ITPKB: variants seen among roughly 807,000 people sequenced by gnomAD.
ITPKB encodes the protein IP3 3-kinase B.
ITPKB carries 13 observed loss-of-function variants against 69.4 expected under a neutral mutation model. The ratio of observed to expected loss-of-function variants is 0.19; its 90% CI spans 0.12 to 0.30. ITPKB has a LOEUF of 0.30. ITPKB is among the 10% of genes least tolerant of loss of function. ITPKB has a pLI of 1.00. For missense variants in ITPKB, 1,240 were observed against 1,250.5 expected (o/e 0.99, Z 0.13); for synonymous variants, 584 against 513.7 (o/e 1.14, Z -1.85).
At chr1:226,714,515 C>T (rs563814852) in intron 2 of ITPKB, among the ~76,000 whole-genome samples, 2 of 152,312 alleles carry the variant, frequency 1.3e-5, no homozygotes, top group East Asian at 3.9e-4. Flanking sequence ...AACAAGAGAA[C>T]AGCACTGAAG....
chr1:226,683,488 T>C (rs974997982), intron 2 of ITPKB, among the ~76,000 whole-genome samples: 2 of 152,148 alleles, frequency 1.3e-5, no homozygotes, highest in African/African-American at 2.4e-5. Context: ...GAAACAGGAT[T>C]TGAACCCATG....
chr1:226,685,701 G>T (rs1656191886), intron 2 of ITPKB, among the ~76,000 whole-genome samples: 1 of 152,236 alleles, frequency 6.6e-6, no homozygotes, highest in African/African-American at 2.4e-5. Flanking sequence ...GCAGGCACCA[G>T]GGCTTGCTGG....
intron 2 of ITPKB, among the ~76,000 whole-genome samples, chr1:226,659,012 T>C (rs76537824): frequency 0.038 from 5,757 of 152,274 alleles, 159 homozygotes; most frequent in Middle Eastern, 0.068. Context: ...TGCGTAGACC[T>C]GGTCGGGCTG....
intron 2 of ITPKB, among the ~76,000 whole-genome samples, chr1:226,724,046 C>CT (rs1056973540): frequency 7.2e-5 from 11 of 152,162 alleles, no homozygotes; most frequent in African/African-American, 2.7e-4. Context: ...GGGGTGTCCT[C>CT]TATTCCACCC....
intron 2 of ITPKB, among the ~76,000 whole-genome samples, chr1:226,649,561 A>C (rs1037633258): frequency 6.8e-6 from 1 of 147,918 alleles, no homozygotes; most frequent in Admixed American, 6.7e-5. Flanking sequence ...TGATATGCAC[A>C]TATGTGTGCA....
chr1:226,696,659 A>T (rs888728287), intron 2 of ITPKB, among the ~76,000 whole-genome samples: 3 of 152,192 alleles, frequency 2.0e-5, no homozygotes, highest in African/African-American at 7.2e-5. Flanking sequence ...TTCTCCATAG[A>T]ACTCACAGCT....
chr1:226,682,170 C>CA, intron 2 of ITPKB, among the ~76,000 whole-genome samples: 1 of 152,282 alleles, frequency 6.6e-6, no homozygotes, highest in East Asian at 1.9e-4. Context: ...TGGGTCCCCC[C>CA]CCGCCCCGAG....
At position 226,642,659 on chromosome 1, in the gene ITPKB, T is replaced by C. The variant is rs1158157563; in HGVS notation, c.2247-534A>G. Among the ~76,000 whole-genome samples, 2 of 151,828 alleles carry C rather than the reference T, an allele frequency of 1.3e-5. No homozygotes were observed. The highest frequency in any genetic ancestry group is 2.9e-5 in the Non-Finnish European group (2 of 67,950). On this transcript the variant is annotated intron_variant, in intron 4 of 7. Coordinates refer to ENST00000429204, the MANE Select transcript of ITPKB (RefSeq NM_002221.4). This position sits in a 1 kb window ranked among gnomAD's most constrained non-coding sequence, Gnocchi z 6.4. Reference sequence around the variant, plus strand: ...GGGTGTCGGGGGTGGCTGGTCCTGATCCTGCTGCTACGGTGGAGCTAAGAG... The same window carrying C: ...GGGTGTCGGGGGTGGCTGGTCCTGACCCTGCTGCTACGGTGGAGCTAAGAG...
At chr1:226,682,762 T>G (rs886539805) in intron 2 of ITPKB, among the ~76,000 whole-genome samples, 1 of 152,122 alleles carries the variant, frequency 6.6e-6, no homozygotes, top group Non-Finnish European at 1.5e-5. Flanking sequence ...CTGTGGAAGA[T>G]AAAAGAAGCT....
intron 2 of ITPKB, among the ~76,000 whole-genome samples, chr1:226,706,406 G>C (rs566121450): frequency 1.3e-5 from 2 of 152,310 alleles, no homozygotes; most frequent in Admixed American, 6.5e-5. Flanking sequence ...GGTTTTCTGA[G>C]CTGAGAGGGA....
At chr1:226,653,655 C>T (rs1175769382) in intron 2 of ITPKB, among the ~76,000 whole-genome samples, 2 of 152,188 alleles carry the variant, frequency 1.3e-5, no homozygotes, top group Non-Finnish European at 2.9e-5. Context: ...GAGGACACTT[C>T]GGTGGAAAGG....
chr1:226,738,587 G>A lies in ITPKB; in HGVS notation c.-206+454C>T, dbSNP rs767646330. Among the ~76,000 whole-genome samples, 1 of 152,202 alleles carries A rather than the reference G, an allele frequency of 6.6e-6. No individual in the cohort carries two copies. The highest frequency in any genetic ancestry group is 6.5e-5 in the Admixed American group (1 of 15,290). ...GGGCTCCCGGACCCGCGCCCACTCGGAGGAACTTAGGGGCGTGCATGGCTG... is the reference window on the plus strand; with the variant it reads ...GGGCTCCCGGACCCGCGCCCACTCGAAGGAACTTAGGGGCGTGCATGGCTG... On this transcript the variant is annotated intron_variant, in intron 1 of 7. Coordinates refer to ENST00000429204, the MANE Select transcript of ITPKB (RefSeq NM_002221.4). The surrounding 1 kb of genome is among the most constrained non-coding windows in gnomAD (Gnocchi z 4.2).
In ITPKB at chr1:226,648,712, G is replaced by A; in HGVS notation, c.1992C>T (p.Phe664=). ...GCTGGATCCAGGGGTACTTCTTCTT[G>A]AAGGACATGACGAAGGGAGACCAGT... The part of the protein sequence containing the change: ...MVHWSPFVMS[F]KKKYPWIQLA... Residue 664 remains phenylalanine, a synonymous_variant, in exon 3 of 8, where the codon TTC becomes TTT. Coordinates refer to ENST00000429204, the MANE Select transcript of ITPKB (RefSeq NM_002221.4). The A allele has an allele frequency of 6.2e-7, 1 of 1,613,218 alleles. No homozygotes were observed. The highest frequency in any genetic ancestry group is 8.5e-7 in the Non-Finnish European group (1 of 1,179,120).
In ITPKB at chr1:226,737,505, C is replaced by G. The variant is rs928007419; in HGVS notation, c.-47G>C. 1 of 1,463,734 alleles carries G rather than the reference C, an allele frequency of 6.8e-7. No homozygotes were observed. Among genetic ancestry groups the G allele is most frequent in the East Asian group, 2.7e-5 (1 of 36,698 alleles). The allele number at this position is 1,463,734 out of a possible 1,614,324, so 90.7% of individuals were successfully genotyped here. Reference sequence around the variant, plus strand: ...CGCCGCCGCGGCTCCCGCTCCTGCTCCGCCGCCGGCGCCTCCTCCTCCCGG... The same window carrying G: ...CGCCGCCGCGGCTCCCGCTCCTGCTGCGCCGCCGGCGCCTCCTCCTCCCGG... On this transcript the variant is annotated 5_prime_UTR_variant, in exon 2 of 8. Coordinates refer to ENST00000429204, the MANE Select transcript of ITPKB (RefSeq NM_002221.4).
chr1:226,663,428 C>T (rs903362119), intron 2 of ITPKB, among the ~76,000 whole-genome samples: 1 of 152,134 alleles, frequency 6.6e-6, no homozygotes, highest in Non-Finnish European at 1.5e-5. Context: ...CCAGGTTCTC[C>T]CGCCCACCGG....
At chr1:226,680,704 A>G (rs1019966971) in intron 2 of ITPKB, among the ~76,000 whole-genome samples, 1 of 152,240 alleles carries the variant, frequency 6.6e-6, no homozygotes, top group African/African-American at 2.4e-5. Context: ...GATGCAACTC[A>G]GGAAAGTCAG....
chr1:226,639,567 T>A lies in ITPKB; in HGVS notation c.2543A>T (p.His848Leu). 1 of 1,607,130 alleles carries A rather than the reference T, an allele frequency of 6.2e-7. No individual in the cohort carries two copies. Among genetic ancestry groups the A allele is most frequent in the Non-Finnish European group, 8.5e-7 (1 of 1,173,598 alleles). Residue 848 changes from histidine (H) to leucine (L), a missense_variant, in exon 6 of 8, where the codon CAT (histidine) becomes CTT (leucine). His to Leu is a moderately conservative substitution (Grantham distance 99, BLOSUM62 -3). Around this residue, in one of 2 missense-constraint regions of ITPKB, gnomAD observed 248 missense variants for 396.7 expected, o/e 0.63. Transcript: ENST00000429204. ...EAFREFTKGN[H>L]NILIAYRDRL... ...AGGTGCCAGACTCACCAGGATGTTA[T>A]GGTTTCCTTTAGTGAACTCTCTGAA...
chr1:226,700,440 G>C (rs1645450711), intron 2 of ITPKB, among the ~76,000 whole-genome samples: 2 of 112,838 alleles, frequency 1.8e-5, no homozygotes, highest in Admixed American at 2.7e-4. Context: ...CGGCACTCCA[G>C]CCTGGCAACG....
chr1:226,719,438 C>T (rs753985324), intron 2 of ITPKB, among the ~76,000 whole-genome samples: 157 of 152,318 alleles, frequency 1.0e-3, no homozygotes, highest in Non-Finnish European at 1.9e-3. Context: ...CACAGCCTCA[C>T]TTGGTGACCG....
Sources: allele counts gnomAD v4.1 joint callset (sites outside exome capture counted in the v4.1 genomes callset), GRCh38; gene constraint gnomAD v4.1.1; regional missense constraint gnomAD v4.1.1; non-coding constraint Gnocchi (gnomAD v3.1); transcripts MANE v1.5; gene names NCBI Gene and HGNC (gene_info 2026-07-23, HGNC 2026-07-21).